The following NEIL3 variants were observed in gnomAD, a reference collection of about 807,000 sequenced individuals.
NEIL3 encodes the protein nei like DNA glycosylase 3, also known as endonuclease 8-like 3.
NEIL3 carries 48 observed loss-of-function variants against 57.5 expected under a neutral mutation model. The ratio of observed to expected loss-of-function variants is 0.83; its 90% CI spans 0.66 to 1.06. NEIL3 has a LOEUF of 1.06. Among genes scored for constraint, NEIL3 ranks in the 50% least tolerant of loss-of-function variants. The pLI is 0.00. For missense variants in NEIL3, 717 were observed against 739.1 expected, an observed-to-expected ratio of 0.97 and a Z score of 0.35; for synonymous variants, 261 against 253.2, an observed-to-expected ratio of 1.03 and a Z score of -0.29.
In NEIL3 at chr4:177,360,504, G is replaced by C. The variant is rs751443637; in HGVS notation, c.1462G>C (p.Glu488Gln). 4 of 1,612,576 alleles carry C rather than the reference G, an allele frequency of 2.5e-6. No homozygotes were observed. In the African/African-American group the frequency reaches 5.3e-5, roughly 22 times the overall value. ...TTATTTTGTAACCTGTCATTACAGTGAACTTCAAATTAATATGACAGATGG... is the reference window on the plus strand; with the variant it reads ...TTATTTTGTAACCTGTCATTACAGTCAACTTCAAATTAATATGACAGATGG... ...KSCNPGYSNS[E>Q]LQINMTDGPR... The change falls in exon 9 of 10, where the codon GAA (glutamate) becomes CAA (glutamine). Residue 488 changes from glutamate to glutamine, a missense_variant and splice_region_variant. By Grantham distance (29) the Glu-to-Gln change is conservative. Transcript: ENST00000264596.
chr4:177,347,908 A>G (rs1190239156), intron 6 of NEIL3, among the ~76,000 whole-genome samples: 2 of 152,208 alleles, frequency 1.3e-5, no homozygotes, highest in Non-Finnish European at 2.9e-5. Flanking sequence ...ACAGCTGTGT[A>G]ATTGTGTTCC....
At position 177,336,227 on chromosome 4, in the gene NEIL3, G is replaced by C; in HGVS notation, c.533G>C (p.Gly178Ala). The part of the protein sequence containing the change: ...EVKKQKGRML[G>A]DVLMDQNVLP... ...AAAAAACAGAAAGGCCGGATGCTAG[G>C]TGATGTGCTAATGGATCAGAACGTA... Residue 178 changes from glycine (G) to alanine (A), a missense_variant, in exon 4 of 10, where the codon GGT becomes GCT. Gly to Ala is a moderately conservative substitution (Grantham distance 60, BLOSUM62 0). Transcript: ENST00000264596. 1 of 1,614,208 alleles carries C rather than the reference G, an allele frequency of 6.2e-7. No homozygotes were observed. The highest frequency in any genetic ancestry group is 8.5e-7 in the Non-Finnish European group (1 of 1,180,020).
chr4:177,323,954 G>T lies in NEIL3; in HGVS notation c.278+1374G>T, dbSNP rs34660751. ...TGGAGAGTACCTATGTCAGTATATG[G>T]GTGGGAAAAATGCAGTGGCTTGCTT... is the stretch of plus-strand genomic sequence containing the variant. On this transcript the variant is annotated intron_variant, in intron 2 of 9. Coordinates refer to ENST00000264596, the MANE Select transcript of NEIL3 (RefSeq NM_018248.3). Among the ~76,000 whole-genome samples, 20 of 152,204 alleles carry T rather than the reference G, an allele frequency of 1.3e-4. No homozygotes were observed. In the East Asian group the frequency reaches 3.7e-3, roughly 28 times the overall value.
At chr4:177,332,073 G>A (rs1734894873) in intron 2 of NEIL3, among the ~76,000 whole-genome samples, 1 of 152,200 alleles carries the variant, frequency 6.6e-6, no homozygotes, top group Non-Finnish European at 1.5e-5. Flanking sequence ...GGATAGTGGG[G>A]ATATTTACTT....
At chr4:177,335,929 T>C (rs1289878501) in intron 3 of NEIL3, 107 bp downstream of exon 3, 5 of 1,180,878 alleles carry the variant, frequency 4.2e-6, no homozygotes, top group Non-Finnish European at 5.9e-6. Flanking sequence ...TTGTAATTGA[T>C]GAAACCTCAT....
At chr4:177,319,549 C>A (rs34676811) in intron 1 of NEIL3, among the ~76,000 whole-genome samples, 12,826 of 151,918 alleles carry the variant, frequency 0.084, 586 homozygotes, top group South Asian at 0.11. Context: ...TTTGGTGCCC[C>A]CATCACCTGG....
intron 7 of NEIL3, 44 bp downstream of exon 7, chr4:177,351,593 G>A: frequency 6.8e-6 from 10 of 1,462,024 alleles, no homozygotes; most frequent in Non-Finnish European, 9.5e-6. Context: ...TTTCTAAGAG[G>A]GTTAATTATA....
rs148733920 is a variant in NEIL3 at position 177,362,354 on chromosome 4, G to C, written c.1701G>C (p.Lys567Asn). Residue 567 changes from lysine (K) to asparagine (N), a missense_variant, in exon 10 of 10, where the codon AAG becomes AAC. By Grantham distance (94) the Lys-to-Asn change is moderately conservative. Coordinates refer to ENST00000264596, the MANE Select transcript of NEIL3 (RefSeq NM_018248.3). Reference sequence around the variant, plus strand: ...GTTCCACCATGAAAACAGTATTGAAGATTGGACCTAACAATGGAAAGAATT... The same window carrying C: ...GTTCCACCATGAAAACAGTATTGAACATTGGACCTAACAATGGAAAGAATT... ...GKRSTMKTVL[K>N]IGPNNGKNFF... 8 of 1,613,114 alleles carry C rather than the reference G, an allele frequency of 5.0e-6. No individual in the cohort carries two copies. In the African/African-American group the frequency reaches 8.0e-5, roughly 16 times the overall value.
intron 6 of NEIL3, among the ~76,000 whole-genome samples, chr4:177,346,434 G>T (rs970910971): frequency 6.6e-6 from 1 of 152,164 alleles, no homozygotes; most frequent in East Asian, 1.9e-4. Context: ...TGTCCAGAGT[G>T]TTGGAACTAC....
At position 177,361,782 on chromosome 4, in the gene NEIL3, T is replaced by G. The variant is rs191346386; in HGVS notation, c.1636-507T>G. 1.2e-3 allele frequency among the ~76,000 whole-genome samples: 175 copies of G among 151,698 alleles called. 1 individual carries two copies. Among genetic ancestry groups the G allele is most frequent in the South Asian group, 3.1e-3 (15 of 4,806 alleles). On this transcript the variant is annotated intron_variant, in intron 9 of 9. Coordinates refer to ENST00000264596, the MANE Select transcript of NEIL3 (RefSeq NM_018248.3). ...ATGACAAATCTTTGATCTTACAGGG[T>G]TTTTTTTGTTGTTGTTTGATTTTTT...
In NEIL3 at chr4:177,353,289, T is replaced by C. The variant is rs1476683225; in HGVS notation, c.1040-19T>C. ...TATATTTATGGGACTATTGCAGAAT[T>C]ACTTCTCTCTCCTTCCAGATTCAGT... On this transcript the variant is annotated intron_variant, in intron 7 of 9. Coordinates refer to ENST00000264596, the MANE Select transcript of NEIL3 (RefSeq NM_018248.3). The C allele has an allele frequency of 1.3e-6, 2 of 1,588,680 alleles. No homozygotes were observed. The highest frequency in any genetic ancestry group is 1.7e-6 in the Non-Finnish European group (2 of 1,169,472).
intron 1 of NEIL3, among the ~76,000 whole-genome samples, chr4:177,315,721 A>G (rs1734561540): frequency 6.6e-6 from 1 of 152,204 alleles, no homozygotes; most frequent in African/African-American, 2.4e-5. Context: ...CCAGTATACC[A>G]GAATTTTACC....
rs1031001422 is a variant in NEIL3 at position 177,348,319 on chromosome 4, G to C, written c.870-3061G>C. 7.2e-5 allele frequency among the ~76,000 whole-genome samples: 11 copies of C among 152,274 alleles called. No individual in the cohort carries two copies. In the East Asian group the frequency reaches 1.9e-3, roughly 27 times the overall value. On this transcript the variant is annotated intron_variant, in intron 6 of 9. Transcript: ENST00000264596. Reference sequence around the variant, plus strand: ...CCTTTGATCTTCCTCAGGTGCCTCAGGTTCCCCCCCTCTACCAGGTTGTTT... The same window carrying C: ...CCTTTGATCTTCCTCAGGTGCCTCACGTTCCCCCCCTCTACCAGGTTGTTT...
chr4:177,310,412 C>A (rs186138365), intron 1 of NEIL3, among the ~76,000 whole-genome samples: 1 of 152,328 alleles, frequency 6.6e-6, no homozygotes, highest in Admixed American at 6.5e-5. Flanking sequence ...CACATGGTTT[C>A]CCATGTCTAC....
In NEIL3 at chr4:177,362,399, G is replaced by A. The variant is rs578234289; in HGVS notation, c.1746G>A (p.Gly582=). ...AGAATTTTTTTGTGTGTCCTCTTGG[G>A]AAGGAAAAACAATGCAATTTTTTCC... is the stretch of plus-strand genomic sequence containing the variant. ...NGKNFFVCPL[G]KEKQCNFFQW... is the part of the protein sequence containing the mutation. Residue 582 remains glycine, a synonymous_variant, in exon 10 of 10, where the codon GGG becomes GGA. Transcript: ENST00000264596. The A allele has an allele frequency of 2.2e-5, 36 of 1,613,460 alleles. No homozygotes were observed. In the South Asian group the frequency reaches 3.6e-4, roughly 16 times the overall value.
At chr4:177,345,602 C>T (rs917120783) in intron 6 of NEIL3, among the ~76,000 whole-genome samples, 1 of 150,230 alleles carries the variant, frequency 6.7e-6, no homozygotes, top group Non-Finnish European at 1.5e-5. Flanking sequence ...AGGATGGTCT[C>T]GATCTCTTGG....
chr4:177,358,916 A>G (rs1735544994), intron 8 of NEIL3, among the ~76,000 whole-genome samples: 1 of 152,202 alleles, frequency 6.6e-6, no homozygotes, highest in Non-Finnish European at 1.5e-5. Flanking sequence ...TCATTTCATT[A>G]ATTTTGTTAA....
intron 1 of NEIL3, among the ~76,000 whole-genome samples, chr4:177,316,072 T>C (rs567979241): frequency 6.6e-6 from 1 of 152,322 alleles, no homozygotes; most frequent in East Asian, 1.9e-4. Flanking sequence ...CCTATGTTAG[T>C]TTAATTTATA....
At chr4:177,358,872 T>A (rs1317080528) in intron 8 of NEIL3, among the ~76,000 whole-genome samples, 1 of 152,150 alleles carries the variant, frequency 6.6e-6, no homozygotes, top group Non-Finnish European at 1.5e-5. Flanking sequence ...TATAAAACTG[T>A]TTTTGTGTCC....
Sources: gnomAD v4.1 joint callset for allele counts (sites outside exome capture counted in the v4.1 genomes callset) on GRCh38, gnomAD v4.1.1 for gene constraint, MANE v1.5 for transcripts, NCBI Gene and HGNC (gene_info 2026-07-23, HGNC 2026-07-21) for gene names.